The following ZNF829 variants were observed in gnomAD, a reference collection of about 807,000 sequenced individuals.
ZNF829 encodes the protein zinc finger protein 829.
In ZNF829, 25 loss-of-function variants were observed where a neutral mutation model predicts 35.2. The observed-to-expected ratio is 0.71, with a 90% CI of 0.52 to 0.99. The LOEUF is 0.99. ZNF829 is among the 50% of genes least tolerant of loss of function. The pLI is 0.00. For missense variants in ZNF829, 417 were observed against 515.3 expected (o/e 0.81, Z 1.85); for synonymous variants, 136 against 163.2 (o/e 0.83, Z 1.27).
rs1028694341 is a variant in ZNF829, at chr19:36,890,158, A to G, written c.*1334T>C. 6.6e-6 allele frequency: 1 copy of G among 152,160 alleles called. No individual in the cohort carries two copies. Among genetic ancestry groups the G allele is most frequent in the African/African-American group, 2.4e-5 (1 of 41,424 alleles). The allele number at this position is 152,160 out of a possible 1,614,324, so 9.4% of individuals were successfully genotyped here. A position where few individuals can be genotyped will look rare whatever the true frequency, so the allele number is the denominator to read the frequency against. On this transcript the variant is annotated 3_prime_UTR_variant, in exon 6 of 6. Coordinates refer to ENST00000391711, the MANE Select transcript of ZNF829 (RefSeq NM_001037232.4). Reference sequence around the variant, plus strand: ...ATATGATTTTGTTTTTTTAAAATTTATTGATACTTGCTTTGTGGTCCAGTA... The same window carrying G: ...ATATGATTTTGTTTTTTTAAAATTTGTTGATACTTGCTTTGTGGTCCAGTA...
intron 5 of ZNF829, among the ~76,000 whole-genome samples, chr19:36,902,895 A>G (rs961828613): frequency 1.1e-4 from 16 of 151,704 alleles, no homozygotes; most frequent in East Asian, 7.8e-4. Context: ...AATTAGCTGG[A>G]CATGGTGGCG....
chr19:36,904,615 G>T (rs955778060), intron 5 of ZNF829, among the ~76,000 whole-genome samples: 1 of 152,040 alleles, frequency 6.6e-6, no homozygotes, highest in African/African-American at 2.4e-5. Flanking sequence ...GGCCAGGCTG[G>T]TTTCGAACTC....
At chr19:36,907,586 T>TTGTTG (rs2073229009) in intron 5 of ZNF829, 3 of 185,788 alleles carry the variant, frequency 1.6e-5, no homozygotes, top group African/African-American at 7.2e-5. Flanking sequence ...TCAAAGATGT[T>TTGTTG]AAATAGCTGA....
intron 5 of ZNF829, among the ~76,000 whole-genome samples, chr19:36,900,256 A>AT (rs1388799820): frequency 6.6e-6 from 1 of 151,520 alleles, no homozygotes; most frequent in Non-Finnish European, 1.5e-5. Flanking sequence ...AGGCTGAGGC[A>AT]TGAGAATCAC....
chr19:36,901,941 G>C, intron 5 of ZNF829: 1 of 761,074 alleles, frequency 1.3e-6, no homozygotes, highest in Admixed American at 1.7e-5. Context: ...ACTGATACCA[G>C]GCTCAACAAA....
At position 36,892,333 on chromosome 19, in the gene ZNF829, T is replaced by C. The variant is rs1202905269; in HGVS notation, c.458A>G (p.Glu153Gly). Reference protein sequence around the residue: ...LIPPQKTMSEEKPWECKICGK... With the variant: ...LIPPQKTMSEGKPWECKICGK... ...ACATATCTTACATTCCCATGGTTTC[T>C]CTTCACTCATAGTTTTTTGAGGTGG... is the stretch of plus-strand genomic sequence containing the variant. Residue 153 changes from glutamate (E) to glycine (G), a missense_variant, in exon 6 of 6, where the codon GAG (glutamate) becomes GGG (glycine). Glu to Gly is a moderately conservative substitution (Grantham distance 98, BLOSUM62 -2). Transcript: ENST00000391711. The C allele has an allele frequency of 1.2e-6, 2 of 1,613,756 alleles. No individual in the cohort carries two copies. The highest frequency in any genetic ancestry group is 1.7e-6 in the Non-Finnish European group (2 of 1,180,000).
intron 5 of ZNF829, among the ~76,000 whole-genome samples, chr19:36,897,043 G>GT (rs1307547046): frequency 4.6e-5 from 7 of 152,206 alleles, no homozygotes; most frequent in Admixed American, 4.6e-4. Flanking sequence ...CCAATAACGA[G>GT]TAATGAGATT....
intron 5 of ZNF829, among the ~76,000 whole-genome samples, chr19:36,901,246 T>C (rs1047256345): frequency 3.9e-5 from 6 of 152,218 alleles, no homozygotes; most frequent in African/African-American, 1.4e-4. Context: ...CATTAAGTTA[T>C]GAAATAGGGA....
At chr19:36,900,847 G>GGA (rs1040243689) in intron 5 of ZNF829, among the ~76,000 whole-genome samples, 1 of 88,976 alleles carries the variant, frequency 1.1e-5, no homozygotes, top group Non-Finnish European at 2.1e-5. Flanking sequence ...GACTGTCTCA[G>GGA]AAAAAAAAAA....
At position 36,915,228 on chromosome 19, in the gene ZNF829, C is replaced by A. The variant is rs1463444851; in HGVS notation, c.-61G>T. 1 of 1,613,826 alleles carries A rather than the reference C, an allele frequency of 6.2e-7. No homozygotes were observed. Among genetic ancestry groups the A allele is most frequent in the Admixed American group, 1.7e-5 (1 of 59,990 alleles). On this transcript the variant is annotated 5_prime_UTR_variant, in exon 2 of 6. Transcript: ENST00000391711. ...GTTCACTGCTGTCCAGGGTTGGAAT[C>A]TGACCAGACCTCAGAGAGGTTTCCT...
At chr19:36,904,980 T>C (rs1408169924) in intron 5 of ZNF829, among the ~76,000 whole-genome samples, 1 of 152,114 alleles carries the variant, frequency 6.6e-6, no homozygotes, top group Non-Finnish European at 1.5e-5. Context: ...CCTCCCTAGG[T>C]TCCTAGAGCT....
At position 36,914,949 on chromosome 19, in the gene ZNF829, G is replaced by A. The variant is rs1398216792; in HGVS notation, c.96+16C>T. 5 of 1,613,558 alleles carry A rather than the reference G, an allele frequency of 3.1e-6. No homozygotes were observed. The highest frequency in any genetic ancestry group is 4.2e-6 in the Non-Finnish European group (5 of 1,179,730). On this transcript the variant is annotated intron_variant, in intron 3 of 5. Coordinates refer to ENST00000391711, the MANE Select transcript of ZNF829 (RefSeq NM_001037232.4). Reference sequence around the variant, plus strand: ...AGCAAGAATTTTCAGAAGAAAAAGAGGAAACCCCAACACACCTTGGATACT... The same window carrying A: ...AGCAAGAATTTTCAGAAGAAAAAGAAGAAACCCCAACACACCTTGGATACT...
In ZNF829 at chr19:36,890,563, C is replaced by G. The variant is rs1008619261; in HGVS notation, c.*929G>C. ...TTGTTGGTATAAAGTCTGTTTTGGC[C>G]ATCACGGTGGCTCACGTCTGTAATC... On this transcript the variant is annotated 3_prime_UTR_variant, in exon 6 of 6. Transcript: ENST00000391711. 2 of 151,222 alleles carry G rather than the reference C, an allele frequency of 1.3e-5. No individual in the cohort carries two copies. Among genetic ancestry groups the G allele is most frequent in the Non-Finnish European group, 2.9e-5 (2 of 67,856 alleles). The allele number at this position is 151,222 out of a possible 1,614,324, so 9.4% of individuals were successfully genotyped here. A position where few individuals can be genotyped will look rare whatever the true frequency, so the allele number is the denominator to read the frequency against.
intron 5 of ZNF829, among the ~76,000 whole-genome samples, chr19:36,896,871 T>C (rs1245840228): frequency 6.6e-6 from 1 of 152,202 alleles, no homozygotes; most frequent in Non-Finnish European, 1.5e-5. Flanking sequence ...TGCTCATGAA[T>C]GCCCATTGGG....
intron 5 of ZNF829, among the ~76,000 whole-genome samples, chr19:36,902,856 T>G (rs1001221676): frequency 1.3e-5 from 2 of 152,046 alleles, no homozygotes; most frequent in South Asian, 2.1e-4. Flanking sequence ...GGCAACATGG[T>G]GAAACCCCGT....
chr19:36,902,321 G>A (rs1600736135), intron 5 of ZNF829, among the ~76,000 whole-genome samples: 1 of 152,194 alleles, frequency 6.6e-6, no homozygotes, highest in Non-Finnish European at 1.5e-5. Flanking sequence ...TTTTATCAGT[G>A]CAAAATGTAA....
rs139624613 is a variant in ZNF829 at position 36,891,226 on chromosome 19, A to T, written c.*266T>A. The T allele has an allele frequency of 5.6e-5, 19 of 337,488 alleles. No individual in the cohort carries two copies. The East Asian group carries it at 8.2e-4, about 15-fold the overall frequency. The allele number at this position is 337,488 out of a possible 1,614,324, so 20.9% of individuals were successfully genotyped here. On this transcript the variant is annotated 3_prime_UTR_variant, in exon 6 of 6. Transcript: ENST00000391711. ...CAGCTGTTAACAGAGGTTAGGAAAA[A>T]GGCATAGAACAGATCCTCAGAGTCC...
At chr19:36,902,027 G>A (rs1447236207) in intron 5 of ZNF829, 2 of 645,658 alleles carry the variant, frequency 3.1e-6, no homozygotes, top group South Asian at 3.4e-5. Context: ...TAATGGGGAT[G>A]AAGATTCACC....
chr19:36,902,782 T>C (rs1311517238), intron 5 of ZNF829, among the ~76,000 whole-genome samples: 1 of 152,216 alleles, frequency 6.6e-6, no homozygotes, highest in Non-Finnish European at 1.5e-5. Context: ...ACGCCTATAA[T>C]CCCAGCACTT....
Sources: gnomAD v4.1 joint callset for allele counts (sites outside exome capture counted in the v4.1 genomes callset) on GRCh38, gnomAD v4.1.1 for gene constraint, MANE v1.5 for transcripts, NCBI Gene and HGNC (gene_info 2026-07-23, HGNC 2026-07-21) for gene names.